The following LHFPL2 variants were observed in gnomAD, a reference collection of about 807,000 sequenced individuals.
LHFPL2 encodes the protein LHFPL tetraspan subfamily member 2.
A neutral mutation model predicts 17.5 loss-of-function variants in LHFPL2; 7 were observed. That is an observed-to-expected ratio of 0.40 (90% CI 0.23 to 0.75). LHFPL2 has a LOEUF of 0.75. LHFPL2 is among the 30% of genes least tolerant of loss of function. LHFPL2 has a pLI of 0.37. For synonymous variants in LHFPL2, 134 were observed against 116.2 expected, an observed-to-expected ratio of 1.15 and a Z score of -0.99; for missense variants, 241 against 294.8, an observed-to-expected ratio of 0.82 and a Z score of 1.34.
intron 2 of LHFPL2, among the ~76,000 whole-genome samples, chr5:78,613,889 A>G (rs777089895): frequency 2.0e-5 from 3 of 152,144 alleles, no homozygotes; most frequent in Non-Finnish European, 1.5e-5. Flanking sequence ...ATCTCCAACA[A>G]AGGACTGATT....
intron 4 of LHFPL2, among the ~76,000 whole-genome samples, chr5:78,507,659 T>G (rs1754971599): frequency 6.6e-6 from 1 of 152,114 alleles, no homozygotes; most frequent in Non-Finnish European, 1.5e-5. Context: ...TAGATCACCA[T>G]CAAGTTCCTC....
At chr5:78,628,122 G>T (rs945628373) in intron 2 of LHFPL2, among the ~76,000 whole-genome samples, 1 of 152,130 alleles carries the variant, frequency 6.6e-6, no homozygotes, top group African/African-American at 2.4e-5. Context: ...TCGAGCTCTC[G>T]TTTTACCAGG....
intron 1 of LHFPL2, among the ~76,000 whole-genome samples, chr5:78,645,422 GTTC>G (rs149036338): frequency 0.028 from 4,230 of 152,030 alleles, 194 homozygotes; most frequent in African/African-American, 0.094. Context: ...AATTAGCAGA[GTTC>G]TTCTTCTCAA....
At chr5:78,520,378 C>A (rs923120545) in intron 3 of LHFPL2, among the ~76,000 whole-genome samples, 4 of 152,210 alleles carry the variant, frequency 2.6e-5, no homozygotes, top group African/African-American at 9.6e-5. Context: ...CCTACTCTGG[C>A]TTCAATGTCT....
At chr5:78,590,628 T>G (rs190412437) in intron 2 of LHFPL2, among the ~76,000 whole-genome samples, 1 of 152,328 alleles carries the variant, frequency 6.6e-6, no homozygotes, top group Non-Finnish European at 1.5e-5. Flanking sequence ...GAAACATCTA[T>G]GATGTTACTC....
chr5:78,627,328 G>T (rs748960918), intron 2 of LHFPL2, among the ~76,000 whole-genome samples: 4 of 152,048 alleles, frequency 2.6e-5, no homozygotes, highest in Non-Finnish European at 5.9e-5. Flanking sequence ...CACTCTAAAA[G>T]CCCTTTCTAT....
In LHFPL2 at chr5:78,582,607, T is replaced by C. The variant is rs1370513614; in HGVS notation, c.-244-17736A>G. ...GTAGTTGAGCGGTTTTGAGTGAGAT[T>C]CTTAATCCTGAGTTCTAGTTTGATT... On this transcript the variant is annotated intron_variant, in intron 2 of 4. Transcript: ENST00000380345. 3.3e-5 allele frequency among the ~76,000 whole-genome samples: 5 copies of C among 151,942 alleles called. No individual in the cohort carries two copies. The East Asian group carries it at 9.6e-4, about 29-fold the overall frequency.
intron 2 of LHFPL2, among the ~76,000 whole-genome samples, chr5:78,623,833 T>C (rs1419103695): frequency 6.6e-6 from 1 of 152,178 alleles, no homozygotes; most frequent in Non-Finnish European, 1.5e-5. Context: ...AAGTAAACAT[T>C]TACCATTTGC....
intron 1 of LHFPL2, among the ~76,000 whole-genome samples, chr5:78,643,280 A>G (rs1406053587): frequency 6.6e-6 from 1 of 152,208 alleles, no homozygotes; most frequent in African/African-American, 2.4e-5. Flanking sequence ...AAAAAAAAAG[A>G]AAAAACAAAA....
intron 2 of LHFPL2, among the ~76,000 whole-genome samples, chr5:78,566,621 C>A (rs1281647948): frequency 6.6e-6 from 1 of 152,124 alleles, no homozygotes; most frequent in Non-Finnish European, 1.5e-5. Flanking sequence ...CCACCTCCAG[C>A]TAATTTTTGT....
chr5:78,573,974 T>C (rs533602221), intron 2 of LHFPL2, among the ~76,000 whole-genome samples: 212 of 152,308 alleles, frequency 1.4e-3, no homozygotes, highest in South Asian at 1.9e-3. Context: ...TCAAACTACT[T>C]GTGTTTCCTA....
chr5:78,568,278 T>G (rs1298652534), intron 2 of LHFPL2, among the ~76,000 whole-genome samples: 3 of 152,146 alleles, frequency 2.0e-5, no homozygotes, highest in Non-Finnish European at 2.9e-5. Flanking sequence ...CAACAAACAT[T>G]GTAAATAAAA....
At chr5:78,568,844 A>T (rs1756924889) in intron 2 of LHFPL2, among the ~76,000 whole-genome samples, 1 of 152,162 alleles carries the variant, frequency 6.6e-6, no homozygotes, top group African/African-American at 2.4e-5. Flanking sequence ...GTATCACAGG[A>T]CACTCTGCAA....
intron 3 of LHFPL2, among the ~76,000 whole-genome samples, chr5:78,563,629 A>G: frequency 6.7e-6 from 1 of 149,550 alleles, no homozygotes; most frequent in East Asian, 2.0e-4. Context: ...TGAACCCAGG[A>G]GGTGGAGGTT....
chr5:78,516,262 T>C (rs569358096), intron 3 of LHFPL2, among the ~76,000 whole-genome samples: 1 of 152,184 alleles, frequency 6.6e-6, no homozygotes, highest in South Asian at 2.1e-4. Context: ...CGTCTAAACA[T>C]GCTCAAGACC....
chr5:78,502,523 A>C (rs1156843250), intron 4 of LHFPL2, among the ~76,000 whole-genome samples: 1 of 152,236 alleles, frequency 6.6e-6, no homozygotes, highest in African/African-American at 2.4e-5. Context: ...TAACTGGCTT[A>C]CATGCAACTG....
chr5:78,644,441 G>A (rs1383536944), intron 1 of LHFPL2: 23 of 651,574 alleles, frequency 3.5e-5, no homozygotes, highest in East Asian at 1.7e-4. Flanking sequence ...TATCATCTGC[G>A]GCAGTGCCCT....
intron 2 of LHFPL2, among the ~76,000 whole-genome samples, chr5:78,586,644 C>A (rs1004891833): frequency 2.6e-5 from 4 of 152,176 alleles, no homozygotes; most frequent in African/African-American, 9.7e-5. Flanking sequence ...AAGGCTGACA[C>A]ACAATCCTGC....
chr5:78,618,941 T>G (rs568472099), intron 2 of LHFPL2, among the ~76,000 whole-genome samples: 1 of 152,278 alleles, frequency 6.6e-6, no homozygotes, highest in East Asian at 1.9e-4. Flanking sequence ...TATACAGACT[T>G]GGAGTTTAGA....
Sources: gnomAD v4.1 joint callset for allele counts (sites outside exome capture counted in the v4.1 genomes callset) on GRCh38, gnomAD v4.1.1 for gene constraint, MANE v1.5 for transcripts, NCBI Gene and HGNC (gene_info 2026-07-23, HGNC 2026-07-21) for gene names.